The following MKI67 variants were observed in gnomAD, a reference collection of about 807,000 sequenced individuals.
The protein encoded by MKI67 is marker of proliferation Ki-67.
Under a neutral mutation model 233.5 loss-of-function variants are expected in MKI67, and 152 were observed. That is an observed-to-expected ratio of 0.65 (90% CI 0.57 to 0.74). The LOEUF is 0.74. MKI67 is among the 30% of genes least tolerant of loss of function. The pLI is 0.00. For missense variants in MKI67, 3,940 were observed against 3,885.2 expected (o/e 1.01, Z -0.37); for synonymous variants, 1,465 against 1,418.5 (o/e 1.03, Z -0.74).
Position 128,105,563 on chromosome 10 carries a change from T to C in MKI67, c.6277A>G (p.Thr2093Ala). The part of the protein sequence containing the change: ...FQTPDHTEES[T>A]TDDKTTKIAC... ...ATTTTGGTAGTTTTGTCATCAGTTG[T>C]TGATTCCTCAGTGTGGTCTGGTGTC... is the stretch of plus-strand genomic sequence containing the variant. Residue 2093 changes from threonine (T) to alanine (A), a missense_variant, in exon 13 of 15, where the codon ACA becomes GCA. Thr to Ala is a moderately conservative substitution (Grantham distance 58). Coordinates refer to ENST00000368654, the MANE Select transcript of MKI67 (RefSeq NM_002417.5). The C allele has an allele frequency of 6.2e-7, 1 of 1,614,100 alleles. No individual in the cohort carries two copies. The highest frequency in any genetic ancestry group is 1.3e-5 in the African/African-American group (1 of 75,006).
chr10:128,110,726 G>A (rs1055418070), intron 11 of MKI67, among the ~76,000 whole-genome samples, 193 bp from the exon 12 acceptor site: 1 of 152,206 alleles, frequency 6.6e-6, no homozygotes, highest in Non-Finnish European at 1.5e-5. Context: ...AGAGCACAGA[G>A]AAGATATGTT....
At position 128,122,993 on chromosome 10, in the gene MKI67, T is replaced by C; in HGVS notation, c.175A>G (p.Ile59Val). 1.9e-6 allele frequency: 3 copies of C among 1,595,808 alleles called. No homozygotes were observed. Among genetic ancestry groups the C allele is most frequent in the Non-Finnish European group, 2.6e-6 (3 of 1,164,146 alleles). Residue 59 changes from isoleucine to valine, a missense_variant, in exon 4 of 15, where the codon ATA becomes GTA. Transcript: ENST00000368654. ...CKIEIHEQEA[I>V]LHNFSSTNPT... is the part of the protein sequence containing the mutation. Reference sequence around the variant, plus strand: ...TTTGTGGAACTGAAATTATGTAATATTGCCTGCAAGTGAAAAGAAGGGGAA... The same window carrying C: ...TTTGTGGAACTGAAATTATGTAATACTGCCTGCAAGTGAAAAGAAGGGGAA...
rs1226413227 is a variant in MKI67 at position 128,103,543 on chromosome 10, A to G, written c.8297T>C (p.Leu2766Ser). The change falls in exon 13 of 15, where the codon TTG (leucine) becomes TCG (serine). Residue 2766 changes from leucine (L) to serine (S), a missense_variant. Coordinates refer to ENST00000368654, the MANE Select transcript of MKI67 (RefSeq NM_002417.5). ...PAGEDKGIKA[L>S]KESAKQTPAP... Reference sequence around the variant, plus strand: ...CGGTGTCTGTTTTGCAGATTCCTTCAATGCTTTGATGCCTTTATCTTCACC... The same window carrying G: ...CGGTGTCTGTTTTGCAGATTCCTTCGATGCTTTGATGCCTTTATCTTCACC... The G allele has an allele frequency of 3.0e-5, 48 of 1,613,520 alleles. No individual in the cohort carries two copies. The highest frequency in any genetic ancestry group is 4.1e-5 in the Non-Finnish European group (48 of 1,179,870).
chr10:128,102,924 TC>T lies in MKI67; in HGVS notation c.8915del (p.Gly2972GlufsTer4). 1 of 1,614,206 alleles carries T rather than the reference TC, an allele frequency of 6.2e-7. No homozygotes were observed. ...VLRAPKVEPVGDVVSTRDPVK... is the reference protein window; with the variant it reads ...VLRAPKVEPVXDVVSTRDPVK... ...CAGGGTCTCTGGTGCTTACCACGTC[TC>T]CCACGGGTTCTACTTTAGGGGCCCG... is the stretch of plus-strand genomic sequence containing the variant. On this transcript the variant is annotated frameshift_variant, in exon 13 of 15. Coordinates refer to ENST00000368654, the MANE Select transcript of MKI67 (RefSeq NM_002417.5). LOFTEE classifies it high-confidence loss of function.
At position 128,106,475 on chromosome 10, in the gene MKI67, C is replaced by A. The variant is rs925357458; in HGVS notation, c.5365G>T (p.Val1789Leu). ...GTGTTGATGTCTTTCTCTTCACCTA[C>A]TGCTGGTTTGGGTGTGTGCATGGCT... is the stretch of plus-strand genomic sequence containing the variant. ...GKAMHTPKPA[V>L]GEEKDINTFL... Residue 1789 changes from valine (V) to leucine (L), a missense_variant, in exon 13 of 15, where the codon GTA (valine) becomes TTA (leucine). Coordinates refer to ENST00000368654, the MANE Select transcript of MKI67 (RefSeq NM_002417.5). 6.2e-7 allele frequency: 1 copy of A among 1,613,822 alleles called. No individual in the cohort carries two copies. Among genetic ancestry groups the A allele is most frequent in the Non-Finnish European group, 8.5e-7 (1 of 1,180,016 alleles).
In MKI67 at chr10:128,115,667, C is replaced by T. The variant is rs757718508; in HGVS notation, c.741G>A (p.Glu247=). ...TTTCTTTTTGTGATTTTACATCCAA[C>T]TCTTTCTTCACTGACTCATAAAGCT... ...FWKLYESVKK[E]LDVKSQKENV... The change falls in exon 7 of 15, where the codon GAG becomes GAA. Residue 247 remains glutamate (E), a synonymous_variant. Transcript: ENST00000368654. 9.3e-6 allele frequency: 15 copies of T among 1,613,540 alleles called. No homozygotes were observed. In the African/African-American group the frequency reaches 1.7e-4, roughly 19 times the overall value.
Position 128,108,714 on chromosome 10 carries a change from G to C in MKI67, c.3126C>G (p.Gly1042=), listed in dbSNP as rs1394437396. 1.2e-6 allele frequency: 2 copies of C among 1,614,200 alleles called. No homozygotes were observed. The highest frequency in any genetic ancestry group is 4.5e-5 in the East Asian group (2 of 44,862). ...VGVKEELLAV[G]KFTRTSGETT... ...TCTCCCCTGACGTCCGTGTGAACTT[G>C]CCGACTGCTAGGAGCTCTTCTTTCA... is the stretch of plus-strand genomic sequence containing the variant. Residue 1042 remains glycine (G), a synonymous_variant, in exon 13 of 15, where the codon GGC becomes GGG. Coordinates refer to ENST00000368654, the MANE Select transcript of MKI67 (RefSeq NM_002417.5).
At chr10:128,101,931 A>G (rs1454565718) in intron 13 of MKI67, among the ~76,000 whole-genome samples, 6 of 152,260 alleles carry the variant, frequency 3.9e-5, no homozygotes, top group Admixed American at 1.3e-4. Flanking sequence ...TAAGGAATTC[A>G]GGATAAATTT....
chr10:128,115,326 T>C lies in MKI67; in HGVS notation c.1082A>G (p.His361Arg), dbSNP rs764652707. The C allele has an allele frequency of 9.3e-6, 15 of 1,614,176 alleles. No individual in the cohort carries two copies. In the Admixed American group the frequency reaches 2.0e-4, roughly 22 times the overall value. ...YSQQQNSPQK[H>R]KNKDLYTTGR... Reference sequence around the variant, plus strand: ...AGTAGTATACAGGTCTTTGTTCTTATGTTTTTGTGGAGAATTTTGTTGCTG... The same window carrying C: ...AGTAGTATACAGGTCTTTGTTCTTACGTTTTTGTGGAGAATTTTGTTGCTG... Residue 361 changes from histidine (H) to arginine (R), a missense_variant, in exon 7 of 15, where the codon CAT becomes CGT. His to Arg is a conservative substitution (Grantham distance 29). Transcript: ENST00000368654.
chr10:128,121,552 T>C (rs1422277281), intron 4 of MKI67, among the ~76,000 whole-genome samples: 1 of 131,446 alleles, frequency 7.6e-6, no homozygotes, highest in Admixed American at 8.7e-5. Flanking sequence ...TAATTATATA[T>C]GATTATATAT....
Position 128,107,368 on chromosome 10 carries a change from T to G in MKI67, c.4472A>C (p.Lys1491Thr), listed in dbSNP as rs200160195. Residue 1491 changes from lysine to threonine, a missense_variant, in exon 13 of 15, where the codon AAA becomes ACA. By Grantham distance (78) the Lys-to-Thr change is moderately conservative (BLOSUM62 -1). Transcript: ENST00000368654. ...DKPTTHEKTT[K>T]IACRSQPDPV... The stretch of plus-strand genomic sequence containing the variant: ...GTCTGGTTGTGATCTGCAGGCTATT[T>G]TGGTAGTTTTCTCGTGAGTCGTGGG... 1 of 1,613,624 alleles carries G rather than the reference T, an allele frequency of 6.2e-7. No individual in the cohort carries two copies. The highest frequency in any genetic ancestry group is 8.5e-7 in the Non-Finnish European group (1 of 1,179,894).
In MKI67 at chr10:128,109,413, C is replaced by A; in HGVS notation, c.2427G>T (p.Val809=). 6.2e-7 allele frequency: 1 copy of A among 1,605,758 alleles called. No homozygotes were observed. The highest frequency in any genetic ancestry group is 2.2e-5 in the East Asian group (1 of 44,756). The change falls in exon 13 of 15, where the codon GTG becomes GTT. Residue 809 remains valine, a synonymous_variant. Transcript: ENST00000368654. The stretch of plus-strand genomic sequence containing the variant: ...TTGCTGCATTCTGTGCACTGAAGAA[C>A]ACATTTCCTCCTGAAATAAAAACAT... The part of the protein sequence containing the change: ...LPTSESFGGN[V]FFSAQNAAKQ...
chr10:128,106,698 G>C lies in MKI67; in HGVS notation c.5142C>G (p.Ile1714Met). 1 of 1,612,544 alleles carries C rather than the reference G, an allele frequency of 6.2e-7. No individual in the cohort carries two copies. Among genetic ancestry groups the C allele is most frequent in the Non-Finnish European group, 8.5e-7 (1 of 1,179,584 alleles). ...TGTGACTTGGTGTCTGGAAGAGCTC[G>C]ATGAAGCCGGCCAGGTCTTCAGGGA... ...SEVPEDLAGFIELFQTPSHTK... is the reference protein window; with the variant it reads ...SEVPEDLAGFMELFQTPSHTK... Residue 1714 changes from isoleucine to methionine, a missense_variant, in exon 13 of 15, where the codon ATC becomes ATG. Transcript: ENST00000368654.
intron 12 of MKI67, 28 bp from the exon 13 acceptor site, chr10:128,109,451 C>T (rs1852620424): frequency 1.3e-6 from 2 of 1,586,630 alleles, no homozygotes; most frequent in African/African-American, 1.4e-5. Flanking sequence ...ACAATAAAAA[C>T]ATTCTATTAG....
intron 8 of MKI67, among the ~76,000 whole-genome samples, chr10:128,113,095 T>A: frequency 6.6e-6 from 1 of 152,182 alleles, no homozygotes; most frequent in South Asian, 2.1e-4. Flanking sequence ...GACGTGGTAA[T>A]GTATCCAGAA....
Position 128,104,687 on chromosome 10 carries a change from T to C in MKI67, c.7153A>G (p.Lys2385Glu). The change falls in exon 13 of 15, where the codon AAA becomes GAA. Residue 2385 changes from lysine (K) to glutamate (E), a missense_variant. Physicochemically the swap from Lys to Glu is moderately conservative, Grantham distance 56. Coordinates refer to ENST00000368654, the MANE Select transcript of MKI67 (RefSeq NM_002417.5). The stretch of plus-strand genomic sequence containing the variant: ...GCTGGTTTTGGTGTGTCCATGGCTT[T>C]GCCTGCTGATGGTGTTCGTTTCCTG... Reference protein sequence around the residue: ...ALRKRTPSAGKAMDTPKPAVS... With the variant: ...ALRKRTPSAGEAMDTPKPAVS... 2 of 1,614,140 alleles carry C rather than the reference T, an allele frequency of 1.2e-6. No homozygotes were observed. The highest frequency in any genetic ancestry group is 1.7e-6 in the Non-Finnish European group (2 of 1,180,050).
chr10:128,107,714 A>G lies in MKI67; in HGVS notation c.4126T>C (p.Ser1376Pro). The change falls in exon 13 of 15, where the codon TCT becomes CCT. Residue 1376 changes from serine to proline, a missense_variant. By Grantham distance (74) the Ser-to-Pro change is moderately conservative. Transcript: ENST00000368654. ...GGGGTGTCTGCTGATTCTGGTGGAG[A>G]AGATTCGCAGGGCATTTTAGTAGTT... Reference protein sequence around the residue: ...GKTTKMPCESSPPESADTPTS... With the variant: ...GKTTKMPCESPPPESADTPTS... 6.2e-7 allele frequency: 1 copy of G among 1,612,070 alleles called. No individual in the cohort carries two copies. Among genetic ancestry groups the G allele is most frequent in the Non-Finnish European group, 8.5e-7 (1 of 1,179,552 alleles).
Position 128,106,473 on chromosome 10 carries a change from T to A in MKI67, c.5367A>T (p.Val1789=). 6.2e-7 allele frequency: 1 copy of A among 1,613,956 alleles called. No individual in the cohort carries two copies. The change falls in exon 13 of 15, where the codon GTA becomes GTT. Residue 1789 remains valine, a synonymous_variant. Coordinates refer to ENST00000368654, the MANE Select transcript of MKI67 (RefSeq NM_002417.5). ...ACGTGTTGATGTCTTTCTCTTCACC[T>A]ACTGCTGGTTTGGGTGTGTGCATGG... ...GKAMHTPKPA[V]GEEKDINTFL...
In MKI67 at chr10:128,102,610, T is replaced by C. The variant is rs747908680; in HGVS notation, c.9230A>G (p.His3077Arg). 4.3e-6 allele frequency: 7 copies of C among 1,613,962 alleles called. No homozygotes were observed. Among genetic ancestry groups the C allele is most frequent in the Middle Eastern group, 3.3e-4 (2 of 6,084 alleles). ...TTCAGGGACCGAGTCTTGTAATTTG[T>C]GTTCCTCTTTGTTGGTTTTCATGTC... Reference protein sequence around the residue: ...SNDMKTNKEEHKLQDSVPENK... With the variant: ...SNDMKTNKEERKLQDSVPENK... Residue 3077 changes from histidine (H) to arginine (R), a missense_variant, in exon 13 of 15, where the codon CAC becomes CGC. Transcript: ENST00000368654.
Sources: allele counts gnomAD v4.1 joint callset (sites outside exome capture counted in the v4.1 genomes callset), GRCh38; gene constraint gnomAD v4.1.1; transcripts MANE v1.5; gene names NCBI Gene and HGNC (gene_info 2026-07-23, HGNC 2026-07-21).